Variants in FARP1 observed in about 807,000 individuals in gnomAD.
FARP1 encodes FERM, ARHGEF and pleckstrin domain-containing protein 1.
A neutral mutation model predicts 128.8 loss-of-function variants in FARP1; 52 were observed. The ratio of observed to expected loss-of-function variants is 0.40; its 90% CI spans 0.32 to 0.51. The LOEUF is 0.51. Ranked by LOEUF, FARP1 falls within the 20% of genes least tolerant of loss-of-function variation. The pLI is 0.45. For missense variants in FARP1, 1,333 were observed against 1,367.9 expected (o/e 0.97, Z 0.40); for synonymous variants, 580 against 551.8 (o/e 1.05, Z -0.72).
chr13:98,276,790 C>T (rs1884672840), intron 2 of FARP1, among the ~76,000 whole-genome samples: 1 of 152,090 alleles, frequency 6.6e-6, no homozygotes, highest in Non-Finnish European at 1.5e-5. Flanking sequence ...TCCCCAAGAC[C>T]AGAATGATAC....
intron 3 of FARP1, among the ~76,000 whole-genome samples, chr13:98,360,552 G>T (rs1223870809): frequency 6.6e-6 from 1 of 152,210 alleles, no homozygotes. Flanking sequence ...AGGGATGGGG[G>T]CTCTAGGAGA....
intron 1 of FARP1, among the ~76,000 whole-genome samples, chr13:98,167,896 G>C (rs1423609159): frequency 6.7e-6 from 1 of 149,760 alleles, no homozygotes; most frequent in Admixed American, 6.7e-5. Context: ...ATGCTGGCCG[G>C]GTGCGGTGGC....
chr13:98,303,995 T>G (rs1213979805), intron 2 of FARP1, among the ~76,000 whole-genome samples: 1 of 152,206 alleles, frequency 6.6e-6, no homozygotes, highest in East Asian at 1.9e-4. Flanking sequence ...ACTGCAAGCC[T>G]CCTTTTTCCC....
At chr13:98,373,529 GACAGACACACACAC>G (rs1320725828) in intron 5 of FARP1, among the ~76,000 whole-genome samples, 1 of 79,168 alleles carries the variant, frequency 1.3e-5, no homozygotes, top group East Asian at 2.9e-4. Flanking sequence ...GAGACAGACA[GACAGACACACACAC>G]ACACACACAC....
chr13:98,161,565 G>A (rs1039287165), intron 1 of FARP1, among the ~76,000 whole-genome samples: 5 of 152,114 alleles, frequency 3.3e-5, no homozygotes, highest in East Asian at 1.9e-4. Flanking sequence ...GGTCTCTTGA[G>A]GTCATTTCCT....
chr13:98,324,781 A>G (rs1887160492), intron 2 of FARP1, among the ~76,000 whole-genome samples: 1 of 152,172 alleles, frequency 6.6e-6, no homozygotes, highest in African/African-American at 2.4e-5. Flanking sequence ...TGGAAGCATC[A>G]GGCCCTGATG....
chr13:98,161,652 C>A (rs1054177830), intron 1 of FARP1, among the ~76,000 whole-genome samples: 21 of 152,170 alleles, frequency 1.4e-4, no homozygotes, highest in African/African-American at 4.8e-4. Flanking sequence ...AAGCCCTTGA[C>A]TATATTGTGT....
intron 5 of FARP1, among the ~76,000 whole-genome samples, chr13:98,369,542 A>T (rs1013763755): frequency 1.3e-5 from 2 of 150,944 alleles, no homozygotes; most frequent in African/African-American, 2.4e-5. Flanking sequence ...CAGTCCCCAG[A>T]GTGTGATGTT....
intron 5 of FARP1, among the ~76,000 whole-genome samples, chr13:98,376,500 T>G (rs1356912212): frequency 6.6e-6 from 1 of 152,232 alleles, no homozygotes; most frequent in Non-Finnish European, 1.5e-5. Context: ...CATACCCCAT[T>G]TTCTTTGTCC....
At chr13:98,365,971 C>T (rs1039569503) in intron 4 of FARP1, among the ~76,000 whole-genome samples, 12 of 151,396 alleles carry the variant, frequency 7.9e-5, no homozygotes, top group African/African-American at 2.9e-4. Flanking sequence ...TGCATTTAGA[C>T]TGTGTGTTGG....
At chr13:98,240,227 CT>C (rs1289003775) in intron 2 of FARP1, among the ~76,000 whole-genome samples, 3 of 152,276 alleles carry the variant, frequency 2.0e-5, no homozygotes, top group South Asian at 4.1e-4. Context: ...TTTTTTGGGA[CT>C]TTTGGAAAAG....
At chr13:98,237,422 G>C (rs1288903885) in intron 2 of FARP1, among the ~76,000 whole-genome samples, 2 of 152,166 alleles carry the variant, frequency 1.3e-5, no homozygotes, top group Non-Finnish European at 2.9e-5. Context: ...ATTAAATCAT[G>C]ACTGCATGAA....
At chr13:98,302,993 A>G (rs900020851) in intron 2 of FARP1, among the ~76,000 whole-genome samples, 3 of 152,156 alleles carry the variant, frequency 2.0e-5, no homozygotes, top group Non-Finnish European at 4.4e-5. Context: ...TGGAGTTTTC[A>G]TGAATTTTGC....
intron 2 of FARP1, among the ~76,000 whole-genome samples, chr13:98,217,575 G>A (rs962497260): frequency 4.6e-5 from 7 of 152,240 alleles, no homozygotes; most frequent in African/African-American, 1.7e-4. Context: ...AGGATCAAGT[G>A]TGGGCTTCGT....
intron 14 of FARP1, among the ~76,000 whole-genome samples, chr13:98,410,343 G>A (rs1029939851): frequency 4.6e-5 from 7 of 152,196 alleles, no homozygotes; most frequent in Non-Finnish European, 1.0e-4. Flanking sequence ...TAACTTCCAT[G>A]TCATGAACAC....
At chr13:98,182,344 G>GA (rs1878595578) in intron 1 of FARP1, among the ~76,000 whole-genome samples, 1 of 151,864 alleles carries the variant, frequency 6.6e-6, no homozygotes, top group African/African-American at 2.4e-5. Context: ...TTTATTTTTT[G>GA]AGACAGGATC....
intron 2 of FARP1, among the ~76,000 whole-genome samples, chr13:98,274,570 C>T (rs1884546318): frequency 6.6e-6 from 1 of 152,052 alleles, no homozygotes; most frequent in Non-Finnish European, 1.5e-5. Context: ...TAGGCAAACT[C>T]CTCCCCTAAA....
chr13:98,247,302 G>A (rs1224268182), intron 2 of FARP1, among the ~76,000 whole-genome samples: 1 of 152,216 alleles, frequency 6.6e-6, no homozygotes, highest in Admixed American at 6.5e-5. Context: ...TACCAATAGT[G>A]TCACGCCCAG....
At chr13:98,199,088 G>A (rs972361753) in intron 1 of FARP1, among the ~76,000 whole-genome samples, 2 of 149,666 alleles carry the variant, frequency 1.3e-5, no homozygotes, top group African/African-American at 4.9e-5. Flanking sequence ...CTCTATTTTC[G>A]CACTTCTATT....
Sources: gnomAD v4.1 joint callset for allele counts (sites outside exome capture counted in the v4.1 genomes callset) on GRCh38, gnomAD v4.1.1 for gene constraint, MANE v1.5 for transcripts, NCBI Gene and HGNC (gene_info 2026-07-23, HGNC 2026-07-21) for gene names.